Variants in JAK1 observed in about 807,000 individuals in gnomAD.
JAK1 encodes Janus kinase 1, also known as tyrosine-protein kinase JAK1.
Under a neutral mutation model 136.6 loss-of-function variants are expected in JAK1, and 16 were observed. That is an observed-to-expected ratio of 0.12 (90% CI 0.08 to 0.18). The LOEUF (loss-of-function observed/expected upper bound fraction) is 0.18, where lower values mean the gene tolerates loss of function less well. Ranked by LOEUF, JAK1 falls within the 10% of genes least tolerant of loss-of-function variation. JAK1 has a pLI of 1.00. For synonymous variants in JAK1, 492 were observed against 519.5 expected (o/e 0.95, Z 0.72); for missense variants, 859 against 1,450.1 (o/e 0.59, Z 6.62).
In JAK1 at chr1:65,017,854, G is replaced by A. The variant is rs371550931; in HGVS notation, c.-78+26626C>T. On this transcript the variant is annotated intron_variant, in intron 2 of 25. Transcript: ENST00000671954. ...TTTTTGACAGATTCTCACTCTTGTC[G>A]CCCAGGCTGGAGTTCAGTGGCAGGA... Among the ~76,000 whole-genome samples, 31 of 149,318 alleles carry A rather than the reference G, an allele frequency of 2.1e-4. 1 individual carries two copies. Among genetic ancestry groups the A allele is most frequent in the East Asian group, 2.0e-3 (10 of 5,100 alleles).
At chr1:64,926,900 G>T (rs996683277) in intron 1 of JAK1, among the ~76,000 whole-genome samples, 23 of 152,192 alleles carry the variant, frequency 1.5e-4, no homozygotes, top group Admixed American at 1.4e-3. Flanking sequence ...GTCAGCATTA[G>T]AAGAGTTAAT....
intron 1 of JAK1, among the ~76,000 whole-genome samples, chr1:65,056,923 TAAAAAAA>T (rs57037539): frequency 8.4e-6 from 1 of 118,748 alleles, no homozygotes; most frequent in Non-Finnish European, 1.7e-5. Flanking sequence ...ACTCTTTCTT[TAAAAAAA>T]AAAAAAAAAA....
intron 1 of JAK1, among the ~76,000 whole-genome samples, chr1:64,918,918 T>A (rs1334056398): frequency 6.6e-6 from 1 of 152,080 alleles, no homozygotes; most frequent in African/African-American, 2.4e-5. Flanking sequence ...TGGCAGCAAC[T>A]TTTTTTTCGA....
intron 8 of JAK1, among the ~76,000 whole-genome samples, 157 bp from the exon 9 acceptor site, chr1:64,860,419 C>CATGCATTTATTT (rs1156251696): frequency 4.1e-5 from 3 of 73,878 alleles, no homozygotes; most frequent in East Asian, 8.0e-4. Flanking sequence ...CCCTTGCATG[C>CATGCATTTATTT]ATTTATTTAT....
At chr1:64,999,549 G>T (rs201986768) in intron 2 of JAK1, among the ~76,000 whole-genome samples, 10 of 152,068 alleles carry the variant, frequency 6.6e-5, no homozygotes, top group African/African-American at 2.4e-4. Flanking sequence ...ACCAGCCTGG[G>T]CAACATAGGG....
intron 2 of JAK1, among the ~76,000 whole-genome samples, chr1:64,982,767 G>A (rs1372877455): frequency 2.7e-5 from 4 of 146,002 alleles, no homozygotes; most frequent in African/African-American, 1.1e-4. Flanking sequence ...AATATTTTCT[G>A]TCTTTTTTTT....
chr1:64,851,436 CAGA>C (rs1301372410), intron 11 of JAK1, among the ~76,000 whole-genome samples: 1 of 152,144 alleles, frequency 6.6e-6, no homozygotes, highest in Non-Finnish European at 1.5e-5. Context: ...TGATGGGAAC[CAGA>C]GGAGGAGGTG....
At chr1:64,863,766 T>C (rs1656516325) in intron 8 of JAK1, among the ~76,000 whole-genome samples, 1 of 152,234 alleles carries the variant, frequency 6.6e-6, no homozygotes, top group South Asian at 2.1e-4. Context: ...TTTCTAATAT[T>C]CTGCTTCTCA....
chr1:64,845,480 G>A (rs780149215), intron 15 of JAK1, 33 bp downstream of exon 15: 2 of 1,613,758 alleles, frequency 1.2e-6, no homozygotes, highest in East Asian at 2.2e-5. Context: ...CTGGTTTCTG[G>A]TGGGACCATT....
chr1:64,930,545 T>C (rs1039726795), intron 1 of JAK1, among the ~76,000 whole-genome samples: 7 of 152,190 alleles, frequency 4.6e-5, no homozygotes, highest in Non-Finnish European at 8.8e-5. Flanking sequence ...TTTATGCTGT[T>C]GGTGGGAGTA....
chr1:64,979,227 TA>T lies in JAK1; in HGVS notation c.-78+65252del, dbSNP rs936317661. Among the ~76,000 whole-genome samples the T allele has an allele frequency of 5.4e-4, 81 of 150,702 alleles. 1 individual carries two copies. Among genetic ancestry groups the T allele is most frequent in the Middle Eastern group, 6.9e-3 (2 of 290 alleles). Reference sequence around the variant, plus strand: ...GCAACATAGTGAGACCTCCTCTCTATAAAAAAAAATGAATAAATAAAAATTA... The same window carrying T: ...GCAACATAGTGAGACCTCCTCTCTATAAAAAAAATGAATAAATAAAAATTA... On this transcript the variant is annotated intron_variant, in intron 2 of 25. Coordinates refer to the JAK1 transcript ENST00000671954.
chr1:64,994,156 G>T (rs1239300532), intron 2 of JAK1, among the ~76,000 whole-genome samples: 1 of 152,198 alleles, frequency 6.6e-6, no homozygotes, highest in Non-Finnish European at 1.5e-5. Flanking sequence ...GCCCAGGCTG[G>T]TCTCAAACTC....
At chr1:65,020,024 A>G (rs1398407606) in intron 2 of JAK1, among the ~76,000 whole-genome samples, 1 of 152,030 alleles carries the variant, frequency 6.6e-6, no homozygotes, top group Non-Finnish European at 1.5e-5. Context: ...TCAGAAGTTC[A>G]AGACCAGCCT....
intron 1 of JAK1, among the ~76,000 whole-genome samples, chr1:65,063,125 G>C (rs908623176): frequency 6.6e-6 from 1 of 152,180 alleles, no homozygotes; most frequent in Non-Finnish European, 1.5e-5. Context: ...CAAATGCCAC[G>C]AGTGGAGCCG....
rs113538392 is a variant in JAK1 at position 65,038,198 on chromosome 1, C to CT, written c.-78+6281dup. 3.1e-3 allele frequency among the ~76,000 whole-genome samples: 415 copies of CT among 133,246 alleles called. 1 individual carries two copies. The highest frequency in any genetic ancestry group is 6.3e-3 in the Admixed American group (82 of 12,978). 87.4% of individuals were successfully genotyped at this position (133,246 alleles called of 152,430 possible). ...TGAAATTCTTTTTCTTTTTTCTTTTCTTTTTTTTTTTTTTTTTGAGACAGA... is the reference window on the plus strand; with the variant it reads ...TGAAATTCTTTTTCTTTTTTCTTTTCTTTTTTTTTTTTTTTTTTGAGACAGA... On this transcript the variant is annotated intron_variant, in intron 2 of 25. Transcript: ENST00000671954.
At position 64,878,559 on chromosome 1, in the gene JAK1, GTGTATA is replaced by G. The variant is rs1383834474; in HGVS notation, c.329+460_329+465del. On this transcript the variant is annotated intron_variant, in intron 4 of 24. Transcript: ENST00000342505. ...ATATCATGACCTTTATATATATAGT[GTGTATA>G]TATATATATATATATATATATATAT... 2.9e-3 allele frequency among the ~76,000 whole-genome samples: 228 copies of G among 79,226 alleles called. 4 individuals are homozygous for G. Among genetic ancestry groups the G allele is most frequent in the African/African-American group, 6.3e-3 (136 of 21,442 alleles). The allele number at this position is 79,226 out of a possible 152,430, so 52.0% of individuals were successfully genotyped here.
chr1:65,058,575 C>T (rs1375121121), intron 1 of JAK1: 4 of 510,952 alleles, frequency 7.8e-6, no homozygotes, highest in South Asian at 4.4e-5. Context: ...TCTGAAGGCT[C>T]CCCATGAAGT....
chr1:65,042,063 CA>C (rs530642002), intron 2 of JAK1, among the ~76,000 whole-genome samples: 1 of 151,034 alleles, frequency 6.6e-6, no homozygotes, highest in African/African-American at 2.4e-5. Flanking sequence ...CAAAACAAAA[CA>C]AAAAAATCTG....
chr1:64,935,107 A>C (rs542034684), intron 1 of JAK1, among the ~76,000 whole-genome samples: 9 of 152,316 alleles, frequency 5.9e-5, no homozygotes, highest in South Asian at 2.1e-4. Context: ...TGGGAACAAG[A>C]ACGCAGATGC....
Sources: allele counts gnomAD v4.1 joint callset (sites outside exome capture counted in the v4.1 genomes callset), GRCh38; gene constraint gnomAD v4.1.1; transcripts MANE v1.5; gene names NCBI Gene and HGNC (gene_info 2026-07-23, HGNC 2026-07-21).